Variants in CDK19 observed in about 807,000 individuals in gnomAD.
CDK19 encodes the protein cyclin-dependent kinase 19.
A neutral mutation model predicts 68.3 loss-of-function variants in CDK19; 20 were observed. The ratio of observed to expected loss-of-function variants is 0.29; its 90% CI spans 0.21 to 0.43. The LOEUF is 0.43. Ranked by LOEUF, CDK19 falls within the 20% of genes least tolerant of loss-of-function variation. The pLI is 1.00. For synonymous variants in CDK19, 221 were observed against 222.8 expected (o/e 0.99, Z 0.07); for missense variants, 339 against 623.5 (o/e 0.54, Z 4.86).
chr6:110,635,864 A>G (rs982930804), intron 5 of CDK19, among the ~76,000 whole-genome samples: 2 of 152,214 alleles, frequency 1.3e-5, no homozygotes, highest in Non-Finnish European at 2.9e-5. Context: ...TAAGCAAAAA[A>G]CAACACTGTA....
chr6:110,673,269 T>C (rs1045578118), intron 2 of CDK19, among the ~76,000 whole-genome samples: 3 of 152,222 alleles, frequency 2.0e-5, no homozygotes, highest in African/African-American at 4.8e-5. Context: ...TTGTAGCATG[T>C]ATGAGAATTT....
chr6:110,814,045 C>A (rs1480579563), intron 1 of CDK19: 1 of 154,808 alleles, frequency 6.5e-6, no homozygotes, highest in Non-Finnish European at 1.4e-5. Flanking sequence ...GACAGGTATT[C>A]TCAGTACATT....
intron 2 of CDK19, among the ~76,000 whole-genome samples, chr6:110,718,920 T>C (rs182224497): frequency 2.6e-5 from 4 of 152,046 alleles, no homozygotes; most frequent in Admixed American, 2.6e-4. Context: ...AGAGCTAAAA[T>C]AATAGAAAGA....
chr6:110,696,511 G>GAGAA (rs1346991789), intron 2 of CDK19, among the ~76,000 whole-genome samples: 17 of 152,142 alleles, frequency 1.1e-4, no homozygotes, highest in Admixed American at 1.1e-3. Context: ...AATCAGACAA[G>GAGAA]AGAAAGAAAG....
At chr6:110,774,662 A>G (rs536315429) in intron 1 of CDK19, among the ~76,000 whole-genome samples, 9 of 152,364 alleles carry the variant, frequency 5.9e-5, no homozygotes, top group African/African-American at 2.2e-4. Context: ...TATAAAACAA[A>G]TTAAAGGCTG....
intron 2 of CDK19, among the ~76,000 whole-genome samples, chr6:110,721,243 A>C (rs1459227420): frequency 6.6e-6 from 1 of 152,164 alleles, no homozygotes; most frequent in East Asian, 1.9e-4. Flanking sequence ...GTCTCAAAAA[A>C]TAAAAATAGA....
At chr6:110,709,102 A>G (rs1774742465) in intron 2 of CDK19, among the ~76,000 whole-genome samples, 1 of 152,232 alleles carries the variant, frequency 6.6e-6, no homozygotes, top group African/African-American at 2.4e-5. Context: ...CAATAGATGC[A>G]GAAAAGGCCT....
chr6:110,720,879 A>AC (rs1775826283), intron 2 of CDK19, among the ~76,000 whole-genome samples: 1 of 151,804 alleles, frequency 6.6e-6, no homozygotes, highest in Admixed American at 6.6e-5. Context: ...AAAAAAAAAA[A>AC]AAAAAAAATT....
chr6:110,800,502 C>T (rs564177931), intron 1 of CDK19, among the ~76,000 whole-genome samples: 12 of 152,162 alleles, frequency 7.9e-5, no homozygotes, highest in Admixed American at 2.6e-4. Context: ...ATACAACAAA[C>T]GAAGAAAACT....
intron 4 of CDK19, chr6:110,643,130 A>C (rs1003896191): frequency 8.2e-6 from 10 of 1,212,924 alleles, no homozygotes; most frequent in African/African-American, 1.6e-5. Context: ...AAGGGCACTA[A>C]AGGAAACCTA....
intron 1 of CDK19, among the ~76,000 whole-genome samples, chr6:110,771,940 C>T (rs1300420642): frequency 2.6e-5 from 4 of 152,210 alleles, no homozygotes; most frequent in Non-Finnish European, 4.4e-5. Flanking sequence ...ACCACCTCAG[C>T]CTGGACCTTG....
chr6:110,769,840 A>G (rs1336879506), intron 1 of CDK19, among the ~76,000 whole-genome samples: 5 of 152,186 alleles, frequency 3.3e-5, no homozygotes, highest in African/African-American at 7.2e-5. Flanking sequence ...AATACACCAC[A>G]GTCAGATTAG....
intron 2 of CDK19, among the ~76,000 whole-genome samples, chr6:110,733,203 A>G (rs1035544235): frequency 3.9e-5 from 6 of 152,214 alleles, no homozygotes; most frequent in Admixed American, 1.3e-4. Flanking sequence ...AACCATACCC[A>G]TATGTGTTAT....
At chr6:110,667,830 G>T (rs1025169693) in intron 3 of CDK19, among the ~76,000 whole-genome samples, 2 of 151,886 alleles carry the variant, frequency 1.3e-5, no homozygotes, top group Non-Finnish European at 2.9e-5. Flanking sequence ...AGGACCAAAA[G>T]GTAAAAAGGA....
intron 4 of CDK19, among the ~76,000 whole-genome samples, chr6:110,652,580 T>A (rs908312877): frequency 6.6e-6 from 1 of 152,212 alleles, no homozygotes; most frequent in Non-Finnish European, 1.5e-5. Context: ...CACTACGAAG[T>A]ATGAGATCTG....
chr6:110,640,453 T>C (rs1411720873), intron 4 of CDK19, among the ~76,000 whole-genome samples: 1 of 152,016 alleles, frequency 6.6e-6, no homozygotes, highest in Non-Finnish European at 1.5e-5. Context: ...GGTATGGAGC[T>C]GAGAAGCATT....
intron 2 of CDK19, among the ~76,000 whole-genome samples, chr6:110,687,960 A>T (rs1411444623): frequency 6.6e-6 from 1 of 152,096 alleles, no homozygotes; most frequent in African/African-American, 2.4e-5. Context: ...TTATGTACAT[A>T]TTTTTTGCAG....
chr6:110,721,864 C>G (rs755334281), intron 2 of CDK19, among the ~76,000 whole-genome samples: 1 of 151,874 alleles, frequency 6.6e-6, no homozygotes, highest in East Asian at 1.9e-4. Flanking sequence ...CTCGGGAGGC[C>G]GAGGCCGGAG....
chr6:110,814,115 C>T (rs1164839389), intron 1 of CDK19: 1 of 170,080 alleles, frequency 5.9e-6, no homozygotes, highest in African/African-American at 2.4e-5. Context: ...CTACAGTTCT[C>T]CCTCAACTCC....
Sources: allele counts gnomAD v4.1 joint callset (sites outside exome capture counted in the v4.1 genomes callset), GRCh38; gene constraint gnomAD v4.1.1; transcripts MANE v1.5; gene names NCBI Gene and HGNC (gene_info 2026-07-23, HGNC 2026-07-21).